NUP58: variants seen among roughly 807,000 people sequenced by gnomAD.
The protein encoded by NUP58 is nucleoporin 58, also known as nucleoporin p58/p45.
In NUP58, 17 loss-of-function variants were observed where a neutral mutation model predicts 70.1. The ratio of observed to expected loss-of-function variants is 0.24; its 90% CI spans 0.17 to 0.36. The LOEUF is 0.36. Among genes scored for constraint, NUP58 ranks in the 10% least tolerant of loss-of-function variants. NUP58 has a pLI of 1.00. For missense variants in NUP58, 644 were observed against 701.5 expected (o/e 0.92, Z 0.93); for synonymous variants, 275 against 257.6 (o/e 1.07, Z -0.65).
At chr13:25,304,518 GTA>G (rs2030213725) in intron 1 of NUP58, among the ~76,000 whole-genome samples, 2 of 36,688 alleles carry the variant, frequency 5.5e-5, no homozygotes, top group African/African-American at 9.4e-5. Context: ...ATATATATAT[GTA>G]TTTTTTTTTT....
chr13:25,309,366 T>C lies in NUP58; in HGVS notation c.286+84T>C, dbSNP rs986530709. The C allele has an allele frequency of 1.0e-5, 11 of 1,051,130 alleles. No individual in the cohort carries two copies. The African/African-American group carries it at 1.1e-4, about 11-fold the overall frequency. 65.1% of individuals were successfully genotyped at this position (1,051,130 alleles called of 1,614,324 possible). A position where few individuals can be genotyped will look rare whatever the true frequency, so the allele number is the denominator to read the frequency against. On this transcript the variant is annotated intron_variant, in intron 3 of 15. Transcript: ENST00000381736. ...GAGTGATCTTTCTACTCTTCTCTCT[T>C]CTAATATTTCACAGAGCTGGAGTAT...
chr13:25,331,610 A>G, intron 13 of NUP58, 52 bp downstream of exon 13: 3 of 1,571,654 alleles, frequency 1.9e-6, no homozygotes, highest in Non-Finnish European at 2.6e-6. Context: ...CAGAACATTT[A>G]TGTGCGTTTT....
At chr13:25,319,261 C>A in intron 6 of NUP58, 65 bp from the exon 7 acceptor site, 1 of 1,297,066 alleles carries the variant, frequency 7.7e-7, no homozygotes, top group Non-Finnish European at 1.1e-6. Context: ...TAATTTAAAG[C>A]TTGTATTTGG....
At position 25,327,017 on chromosome 13, in the gene NUP58, C is replaced by T. The variant is rs763309404; in HGVS notation, c.1133C>T (p.Ser378Leu). 2 of 1,587,288 alleles carry T rather than the reference C, an allele frequency of 1.3e-6. No individual in the cohort carries two copies. Among genetic ancestry groups the T allele is most frequent in the South Asian group, 2.3e-5 (2 of 88,452 alleles). Residue 378 changes from serine (S) to leucine (L), a missense_variant, in exon 11 of 16, where the codon TCA becomes TTA. Around this residue, in one of 4 missense-constraint regions of NUP58, gnomAD observed 78 missense variants for 71.3 expected, o/e 1.09. Coordinates refer to ENST00000381736, the MANE Select transcript of NUP58 (RefSeq NM_014089.4). ...CATCTTGCCACTCAAGCAAATAATT[C>T]ACATATAACCCCTCAAGGTAACATG... The part of the protein sequence containing the change: ...ENHLATQANN[S>L]HITPQDLSMA...
chr13:25,335,700 C>T, intron 13 of NUP58: 1 of 984,424 alleles, frequency 1.0e-6, no homozygotes, highest in Non-Finnish European at 1.2e-6. Context: ...AATGTAGTTC[C>T]TCGGTTGTTT....
rs972035184 is a variant in NUP58, at chr13:25,337,500, G to C, written c.1534+466G>C. On this transcript the variant is annotated intron_variant, in intron 14 of 15. Transcript: ENST00000381736. ...TCATGTCCATTTCTAAGCACATTTG[G>C]CAAATTTGCCTATATACATGCTTGT... Among the ~76,000 whole-genome samples, 13 of 152,120 alleles carry C rather than the reference G, an allele frequency of 8.5e-5. 1 individual carries two copies. Among genetic ancestry groups the C allele is most frequent in the African/African-American group, 2.6e-4 (11 of 41,514 alleles).
chr13:25,315,558 G>A (rs2030888178), intron 6 of NUP58, 91 bp downstream of exon 6: 1 of 833,018 alleles, frequency 1.2e-6, no homozygotes, highest in Non-Finnish European at 2.0e-6. Flanking sequence ...AAGATTAGCA[G>A]TTATATATTT....
At position 25,333,526 on chromosome 13, in the gene NUP58, A is replaced by T. The variant is rs1041334388; in HGVS notation, c.1435+1968A>T. 1.1e-5 allele frequency: 11 copies of T among 985,166 alleles called. No individual in the cohort carries two copies. The African/African-American group carries it at 1.9e-4, about 17-fold the overall frequency. 61.0% of individuals were successfully genotyped at this position (985,166 alleles called of 1,614,324 possible). ...CAACCTTACAGTGTTTTCGCTTTGAATTGTATGAATTCTTAGAACTGAGAA... is the reference window on the plus strand; with the variant it reads ...CAACCTTACAGTGTTTTCGCTTTGATTTGTATGAATTCTTAGAACTGAGAA... On this transcript the variant is annotated intron_variant, in intron 13 of 15. Transcript: ENST00000381736.
chr13:25,303,849 T>C (rs920570821), intron 1 of NUP58, among the ~76,000 whole-genome samples: 2 of 152,222 alleles, frequency 1.3e-5, no homozygotes, highest in Non-Finnish European at 2.9e-5. Flanking sequence ...GAAAAAGGGC[T>C]TTAATAACAA....
intron 12 of NUP58, among the ~76,000 whole-genome samples, chr13:25,329,097 CTAT>C (rs550528098): frequency 6.6e-6 from 1 of 152,156 alleles, no homozygotes; most frequent in African/African-American, 2.4e-5. Flanking sequence ...TAAAAAAATT[CTAT>C]TAGTCTATAA....
At chr13:25,336,169 A>T (rs2031773946) in intron 13 of NUP58, 1 of 1,361,300 alleles carries the variant, frequency 7.3e-7, no homozygotes, top group African/African-American at 1.5e-5. Context: ...CTGTCAAGGT[A>T]CACAGCGGTG....
At chr13:25,327,690 T>C (rs185506553) in intron 12 of NUP58, among the ~76,000 whole-genome samples, 178 bp downstream of exon 12, 16 of 152,338 alleles carry the variant, frequency 1.1e-4, no homozygotes, top group South Asian at 6.2e-4. Flanking sequence ...ACCTGTTCTT[T>C]TAAAAAAGAT....
intron 15 of NUP58, 71 bp from the exon 16 acceptor site, chr13:25,339,894 C>A: frequency 7.7e-7 from 1 of 1,298,806 alleles, no homozygotes; most frequent in Non-Finnish European, 1.1e-6. Flanking sequence ...AAATTTACTG[C>A]TCCTCCCTGT....
chr13:25,311,840 G>A (rs2030684919), intron 3 of NUP58, among the ~76,000 whole-genome samples: 1 of 152,168 alleles, frequency 6.6e-6, no homozygotes, highest in African/African-American at 2.4e-5. Flanking sequence ...TATTTCTGAA[G>A]TAGGATCGAC....
intron 13 of NUP58, chr13:25,336,399 A>G (rs887944162): frequency 1.4e-5 from 10 of 697,686 alleles, no homozygotes; most frequent in Non-Finnish European, 2.1e-5. Context: ...TTCATATGAG[A>G]AATCATGCCT....
chr13:25,321,656 C>G (rs1300882477), intron 9 of NUP58, among the ~76,000 whole-genome samples: 2 of 152,194 alleles, frequency 1.3e-5, no homozygotes, highest in South Asian at 4.1e-4. Flanking sequence ...GTGGCCCAAT[C>G]CTATAATCCC....
chr13:25,331,740 T>C, intron 13 of NUP58, 182 bp downstream of exon 13: 1 of 1,420,984 alleles, frequency 7.0e-7, no homozygotes, highest in Non-Finnish European at 9.2e-7. Context: ...AGGGTAGTCT[T>C]AGCAATAATT....
At chr13:25,329,480 G>A (rs1251817695) in intron 12 of NUP58, among the ~76,000 whole-genome samples, 2 of 152,034 alleles carry the variant, frequency 1.3e-5, no homozygotes, top group Admixed American at 6.6e-5. Flanking sequence ...CCTAGATCAC[G>A]TCAAATAAAC....
intron 5 of NUP58, among the ~76,000 whole-genome samples, chr13:25,315,102 A>G (rs557513799): frequency 7.9e-4 from 120 of 152,320 alleles, no homozygotes; most frequent in African/African-American, 2.8e-3. Flanking sequence ...TTGAGTGCCT[A>G]CATACTGAAT....
Sources: gnomAD v4.1 joint callset for allele counts (sites outside exome capture counted in the v4.1 genomes callset) on GRCh38, gnomAD v4.1.1 for gene constraint, gnomAD v4.1.1 regional missense constraint, MANE v1.5 for transcripts, NCBI Gene and HGNC (gene_info 2026-07-23, HGNC 2026-07-21) for gene names.